ARHGAP17: variants seen among roughly 807,000 people sequenced by gnomAD.
ARHGAP17 encodes the protein Rho GTPase activating protein 17, also known as rho GTPase-activating protein 17.
In ARHGAP17, 57 loss-of-function variants were observed where a neutral mutation model predicts 99.5. The observed-to-expected ratio is 0.57, with a 90% confidence interval of 0.46 to 0.71. ARHGAP17 has a LOEUF of 0.71. ARHGAP17 is among the 30% of genes least tolerant of loss of function. ARHGAP17 has a pLI of 0.00. For missense variants in ARHGAP17, 1,000 were observed against 1,122.4 expected, an observed-to-expected ratio of 0.89 and a Z score of 1.56; for synonymous variants, 417 against 429.6, an observed-to-expected ratio of 0.97 and a Z score of 0.36.
At chr16:25,003,947 A>C (rs2141497549) in intron 1 of ARHGAP17, among the ~76,000 whole-genome samples, 1 of 152,324 alleles carries the variant, frequency 6.6e-6, no homozygotes, top group Middle Eastern at 3.4e-3. Flanking sequence ...ATCACTACCC[A>C]AGTGATTTGA....
At chr16:24,935,721 C>T in intron 17 of ARHGAP17, 82 bp from the exon 18 acceptor site, 2 of 1,448,384 alleles carry the variant, frequency 1.4e-6, no homozygotes, top group Non-Finnish European at 1.9e-6. Context: ...ACATAAGATT[C>T]CAAGCAGAGT....
chr16:24,993,443 G>T (rs1233234600), intron 1 of ARHGAP17, among the ~76,000 whole-genome samples: 6 of 152,112 alleles, frequency 3.9e-5, no homozygotes, highest in Non-Finnish European at 8.8e-5. Context: ...AAAAAAATTA[G>T]CTGGGCATGG....
intron 9 of ARHGAP17, among the ~76,000 whole-genome samples, chr16:24,958,176 GAAAAA>G: frequency 6.6e-6 from 1 of 151,798 alleles, no homozygotes; most frequent in African/African-American, 2.4e-5. Context: ...ATACCCTTGG[GAAAAA>G]AACAGAATGA....
chr16:24,959,043 TA>T (rs2051898968), intron 9 of ARHGAP17, among the ~76,000 whole-genome samples: 1 of 151,266 alleles, frequency 6.6e-6, no homozygotes, highest in African/African-American at 2.4e-5. Context: ...ATGCCCAACT[TA>T]AAATTCAACA....
rs755602903 is a variant in ARHGAP17, at chr16:24,931,284, G to A, written c.2015C>T (p.Thr672Ile). 3 of 1,530,352 alleles carry A rather than the reference G, an allele frequency of 2.0e-6. No homozygotes were observed. Among genetic ancestry groups the A allele is most frequent in the South Asian group, 1.3e-5 (1 of 78,048 alleles). The allele number at this position is 1,530,352 out of a possible 1,614,324, so 94.8% of individuals were successfully genotyped here. A position where few individuals can be genotyped will look rare whatever the true frequency, so the allele number is the denominator to read the frequency against. The change falls in exon 19 of 20, where the codon ACC becomes ATC. Residue 672 changes from threonine to isoleucine, a missense_variant. Thr to Ile is a moderately conservative substitution (Grantham distance 89, BLOSUM62 -1). Transcript: ENST00000289968. ...HPPSLSPKPPTRSPSPPTQHT... is the reference protein window; with the variant it reads ...HPPSLSPKPPIRSPSPPTQHT... ...CTGGGTGGGAGGAGAGGGGCTTCGG[G>A]TGGGTGGCTTTGGTGACAGACTGGG...
At chr16:24,982,107 T>TTA (rs397782046) in intron 1 of ARHGAP17, among the ~76,000 whole-genome samples, 1 of 148,838 alleles carries the variant, frequency 6.7e-6, no homozygotes, top group Non-Finnish European at 1.5e-5. Flanking sequence ...TTTTTTTTTT[T>TTA]AAATCAATTT....
chr16:24,939,504 C>A lies in ARHGAP17; in HGVS notation c.1584G>T (p.Pro528=), dbSNP rs146682873. The change falls in exon 17 of 20, where the codon CCG becomes CCT. Residue 528 remains proline, a synonymous_variant. Transcript: ENST00000289968. ...HISPAFQPPL[P]PTDGSTVVPA... is the part of the protein sequence containing the mutation. ...GCACCACGGTGCTGCCATCTGTGGG[C>A]GGAAGTGGCGGCTGGAAAGCGGGGG... 6.2e-7 allele frequency: 1 copy of A among 1,610,686 alleles called. No homozygotes were observed. Among genetic ancestry groups the A allele is most frequent in the South Asian group, 1.1e-5 (1 of 90,158 alleles).
In ARHGAP17 at chr16:25,013,599, G is replaced by T. The variant is rs139039705; in HGVS notation, c.53+1610C>A. Among the ~76,000 whole-genome samples the T allele has an allele frequency of 1.9e-3, 295 of 151,918 alleles. 1 individual carries two copies. The highest frequency in any genetic ancestry group is 6.6e-3 in the African/African-American group (273 of 41,414). On this transcript the variant is annotated intron_variant, in intron 1 of 19. Transcript: ENST00000289968. ...ATCGCACCACTGCACCCCAGCTTGG[G>T]TGACAAAGGGAGACCCTGTCTCAAA...
rs561472395 is a variant in ARHGAP17 at position 24,925,903 on chromosome 16, G to A, written c.2515+4881C>T. ...AGACGGGCAGATCACAAGGTCAGCA[G>A]ATCGAGACCATCTTGGCTAACATGG... is the stretch of plus-strand genomic sequence containing the variant. On this transcript the variant is annotated intron_variant, in intron 19 of 19. Transcript: ENST00000289968. Among the ~76,000 whole-genome samples, 3 of 152,272 alleles carry A rather than the reference G, an allele frequency of 2.0e-5. No individual in the cohort carries two copies. The South Asian group carries it at 6.2e-4, about 32-fold the overall frequency.
intron 1 of ARHGAP17, among the ~76,000 whole-genome samples, chr16:25,014,724 C>T (rs1330885510): frequency 6.6e-6 from 1 of 152,236 alleles, no homozygotes; most frequent in African/African-American, 2.4e-5. Context: ...TTCTTGCCGC[C>T]ATGCACTTAC....
chr16:24,990,121 T>C lies in ARHGAP17; in HGVS notation c.54-11116A>G, dbSNP rs552673299. ...TATCAGAATATCACTCTATATCCCA[T>C]AAATATGTACAAACATTGCAGCCAA... On this transcript the variant is annotated intron_variant, in intron 1 of 19. Transcript: ENST00000289968. Among the ~76,000 whole-genome samples the C allele has an allele frequency of 3.9e-5, 6 of 152,330 alleles. No individual in the cohort carries two copies. In the East Asian group the frequency reaches 1.2e-3, roughly 29 times the overall value.
intron 3 of ARHGAP17, among the ~76,000 whole-genome samples, chr16:24,972,120 A>AG (rs2052384145): frequency 6.6e-6 from 1 of 152,224 alleles, no homozygotes; most frequent in African/African-American, 2.4e-5. Context: ...CTGCCTCCAA[A>AG]GGGCTCCATC....
At chr16:24,958,097 T>G (rs967851890) in intron 9 of ARHGAP17, among the ~76,000 whole-genome samples, 1 of 152,160 alleles carries the variant, frequency 6.6e-6, no homozygotes. Flanking sequence ...CCACGGGCTG[T>G]TCCATCCTAA....
Position 24,931,097 on chromosome 16 carries a change from G to C in ARHGAP17, c.2202C>G (p.Gly734=). The C allele has an allele frequency of 7.5e-6, 12 of 1,606,398 alleles. No homozygotes were observed. Among genetic ancestry groups the C allele is most frequent in the Non-Finnish European group, 9.4e-6 (11 of 1,176,416 alleles). ...TGGGCAATGCCATGGGGTTGGGAGG[G>C]CCCTGGCTATTGGGTTTGGTGTGCA... is the stretch of plus-strand genomic sequence containing the variant. ...PLMHTKPNSQ[G]PPNPMALPSE... The change falls in exon 19 of 20, where the codon GGC becomes GGG. Residue 734 remains glycine (G), a synonymous_variant. Transcript: ENST00000289968.
At chr16:24,969,070 T>C (rs1050915125) in intron 4 of ARHGAP17, among the ~76,000 whole-genome samples, 2 of 152,214 alleles carry the variant, frequency 1.3e-5, no homozygotes, top group African/African-American at 4.8e-5. Flanking sequence ...GAAAGCCAAG[T>C]GTTCACAAAA....
chr16:25,011,583 T>C (rs2053642926), intron 1 of ARHGAP17, among the ~76,000 whole-genome samples: 1 of 151,958 alleles, frequency 6.6e-6, no homozygotes, highest in Non-Finnish European at 1.5e-5. Flanking sequence ...TACAGGCCTG[T>C]AGTCCCAGCT....
chr16:24,982,972 A>ATT, intron 1 of ARHGAP17, among the ~76,000 whole-genome samples: 1 of 19,132 alleles, frequency 5.2e-5, no homozygotes, highest in South Asian at 3.0e-3. Context: ...AATCATATAT[A>ATT]TATATATATA....
chr16:24,945,681 T>C (rs2051449744), intron 14 of ARHGAP17, among the ~76,000 whole-genome samples: 1 of 152,176 alleles, frequency 6.6e-6, no homozygotes, highest in Non-Finnish European at 1.5e-5. Flanking sequence ...AGCTTAAAAT[T>C]GAAGCTCTGC....
chr16:25,010,334 A>C (rs549570089), intron 1 of ARHGAP17, among the ~76,000 whole-genome samples: 7 of 152,276 alleles, frequency 4.6e-5, no homozygotes, highest in African/African-American at 1.7e-4. Flanking sequence ...TCGGGCTCTC[A>C]AAGTGTCAGG....
Sources: gnomAD v4.1 joint callset for allele counts (sites outside exome capture counted in the v4.1 genomes callset) on GRCh38, gnomAD v4.1.1 for gene constraint, MANE v1.5 for transcripts, NCBI Gene and HGNC (gene_info 2026-07-23, HGNC 2026-07-21) for gene names.